The following UNC45A variants were observed in gnomAD, a reference collection of about 807,000 sequenced individuals.
UNC45A encodes unc-45 myosin chaperone A.
UNC45A carries 78 observed loss-of-function variants against 103.2 expected under a neutral mutation model. The ratio of observed to expected loss-of-function variants is 0.76; its 90% CI spans 0.63 to 0.91. The LOEUF is 0.91. Ranked by LOEUF, UNC45A falls within the 40% of genes least tolerant of loss-of-function variation. The pLI is 0.00. For synonymous variants in UNC45A, 495 were observed against 504.6 expected (o/e 0.98, Z 0.25); for missense variants, 1,193 against 1,224.8 (o/e 0.97, Z 0.39).
At position 90,946,894 on chromosome 15, in the gene UNC45A, A is replaced by G; in HGVS notation, c.1480A>G (p.Ile494Val). The stretch of plus-strand genomic sequence containing the variant: ...ATATAAGTGCAGCGAGAAGGACAGC[A>G]TCCGCATCCGGGCGCTAGTGGTGAG... The part of the protein sequence containing the change: ...DLYKCSEKDS[I>V]RIRALVGLCK... Residue 494 changes from isoleucine to valine, a missense_variant, in exon 10 of 20, where the codon ATC (isoleucine) becomes GTC (valine). Coordinates refer to ENST00000418476, the MANE Select transcript of UNC45A (RefSeq NM_018671.5). The G allele has an allele frequency of 6.3e-7, 1 of 1,583,904 alleles. No individual in the cohort carries two copies. The highest frequency in any genetic ancestry group is 8.6e-7 in the Non-Finnish European group (1 of 1,159,850).
rs762539863 is a variant in UNC45A, at chr15:90,944,931, A to G, written c.1067A>G (p.Asp356Gly). 4.3e-6 allele frequency: 7 copies of G among 1,612,280 alleles called. No individual in the cohort carries two copies. The highest frequency in any genetic ancestry group is 5.9e-6 in the Non-Finnish European group (7 of 1,179,992). ...KILEVGGSLQDPPGELAVTAN... is the reference protein window; with the variant it reads ...KILEVGGSLQGPPGELAVTAN... ...TTGGAAGTGGGGGGCTCTCTACAGG[A>G]CCCTCCTGGGGAGCTCGCAGTGACC... The change falls in exon 9 of 20, where the codon GAC (aspartate) becomes GGC (glycine). Residue 356 changes from aspartate to glycine, a missense_variant. Physicochemically the swap from Asp to Gly is moderately conservative, Grantham distance 94. Transcript: ENST00000418476.
chr15:90,945,546 A>G (rs2036520193), intron 9 of UNC45A, among the ~76,000 whole-genome samples: 1 of 151,856 alleles, frequency 6.6e-6, no homozygotes, highest in Non-Finnish European at 1.5e-5. Context: ...TTTTTAGTAG[A>G]GACGGGGTTT....
At chr15:90,931,449 A>C (rs550617721), upstream of UNC45A, 2 of 1,613,292 alleles carry the variant, frequency 1.2e-6, no homozygotes, top group South Asian at 2.2e-5. Context: ...ATGTCAAGGA[A>C]AGCACTGCCT....
rs375426057 is a variant in UNC45A, at chr15:90,953,000, G to A, written c.2375G>A (p.Arg792His). The change falls in exon 18 of 20, where the codon CGC (arginine) becomes CAC (histidine). Residue 792 changes from arginine to histidine, a missense_variant. Transcript: ENST00000418476. ...GYMFEEHEMI[R>H]RAATECMCNL... is the part of the protein sequence containing the mutation. ...ATGTTTGAGGAGCATGAGATGATCC[G>A]CCGGGCAGCCACGGAGTGCATGTGT... The A allele has an allele frequency of 7.4e-6, 12 of 1,613,436 alleles. No homozygotes were observed. The highest frequency in any genetic ancestry group is 8.5e-6 in the Non-Finnish European group (10 of 1,180,050).
chr15:90,941,958 CAAAAA>C (rs369044240), intron 6 of UNC45A, among the ~76,000 whole-genome samples: 13 of 68,788 alleles, frequency 1.9e-4, no homozygotes, highest in Non-Finnish European at 3.2e-4. Context: ...GACTCCGTCT[CAAAAA>C]AAAAAAAAAA....
chr15:90,948,837 G>A (rs1209877576), intron 13 of UNC45A, 43 bp downstream of exon 13: 1 of 1,536,634 alleles, frequency 6.5e-7, no homozygotes, highest in South Asian at 1.2e-5. Context: ...CCACCATGGG[G>A]ACAGCTAACC....
chr15:90,944,313 G>A (rs1022771797), intron 8 of UNC45A, among the ~76,000 whole-genome samples: 2 of 152,042 alleles, frequency 1.3e-5, no homozygotes, highest in Non-Finnish European at 2.9e-5. Context: ...CTTGAACTCA[G>A]GAGGCGGAGG....
In UNC45A at chr15:90,950,543, A is replaced by G. The variant is rs747476342; in HGVS notation, c.2231A>G (p.Asn744Ser). The change falls in exon 17 of 20, where the codon AAC (asparagine) becomes AGC (serine). Residue 744 changes from asparagine to serine, a missense_variant. Transcript: ENST00000418476. ...CCCCTCGTCTCCCTGTTGCACCTCA[A>G]CTGCTCAGGCCTGCAGAACTTCGAG... ...VRPLVSLLHL[N>S]CSGLQNFEAL... 4 of 1,614,110 alleles carry G rather than the reference A, an allele frequency of 2.5e-6. No homozygotes were observed. Among genetic ancestry groups the G allele is most frequent in the Non-Finnish European group, 3.4e-6 (4 of 1,180,018 alleles).
chr15:90,946,689 A>G lies in UNC45A; in HGVS notation c.1275A>G (p.Pro425=), dbSNP rs12911432. ...CGGTGTCCTGCCTCCTGCAGGGCCCATGTGACGCTGGCAACCGGGCCTTGG... is the reference window on the plus strand; with the variant it reads ...CGGTGTCCTGCCTCCTGCAGGGCCCGTGTGACGCTGGCAACCGGGCCTTGG... ...IQTVSCLLQG[P]CDAGNRALEL... The change falls in exon 10 of 20, where the codon CCA becomes CCG. Residue 425 remains proline (P), a synonymous_variant. Coordinates refer to ENST00000418476, the MANE Select transcript of UNC45A (RefSeq NM_018671.5). 116,571 of 1,612,592 alleles carry G rather than the reference A, an allele frequency of 0.072. 5,063 individuals are homozygous for G. Among genetic ancestry groups the G allele is most frequent in the South Asian group, 0.16 (14,777 of 90,998 alleles).
intron 5 of UNC45A, 61 bp downstream of exon 5, chr15:90,939,884 C>T: frequency 6.7e-7 from 1 of 1,496,940 alleles, no homozygotes; most frequent in Non-Finnish European, 9.2e-7. Flanking sequence ...TCCATAGGCC[C>T]CCGAAGCCAC....
rs191709589 is a variant in UNC45A at position 90,952,481 on chromosome 15, G to A, written c.2304-448G>A. On this transcript the variant is annotated intron_variant, in intron 17 of 19. Coordinates refer to ENST00000418476, the MANE Select transcript of UNC45A (RefSeq NM_018671.5). The stretch of plus-strand genomic sequence containing the variant: ...GTTGCCCAGGCTGGAGTGCAGTGGC[G>A]CAATCTTGGCTCACTGCAACCTTCA... 15 of 158,142 alleles carry A rather than the reference G, an allele frequency of 9.5e-5. 1 individual carries two copies. The highest frequency in any genetic ancestry group is 3.6e-4 in the East Asian group (2 of 5,494). 9.8% of individuals were successfully genotyped at this position (158,142 alleles called of 1,614,324 possible). A position where few individuals can be genotyped will look rare whatever the true frequency, so the allele number is the denominator to read the frequency against.
chr15:90,932,709 G>A (rs1462421239), upstream of UNC45A: 1 of 405,864 alleles, frequency 2.5e-6, no homozygotes, highest in Non-Finnish European at 4.3e-6. Flanking sequence ...GAGAGCAAGT[G>A]ATGTGGACAG....
chr15:90,942,433 C>A lies in UNC45A; in HGVS notation c.688-4C>A, dbSNP rs113435518. 27,759 of 1,605,220 alleles carry A rather than the reference C, an allele frequency of 0.017. 278 individuals carry two copies. Among genetic ancestry groups the A allele is most frequent in the Middle Eastern group, 0.027 (151 of 5,698 alleles). Reference sequence around the variant, plus strand: ...CTTCCTTCTGTTTACCTCTCCCACCCCAGACAGTGGCAACCCTGAGCATAC... The same window carrying A: ...CTTCCTTCTGTTTACCTCTCCCACCACAGACAGTGGCAACCCTGAGCATAC... On this transcript the variant is annotated splice_region_variant and splice_polypyrimidine_tract_variant and intron_variant, in intron 6 of 19. Coordinates refer to ENST00000418476, the MANE Select transcript of UNC45A (RefSeq NM_018671.5).
At chr15:90,936,140 C>T in intron 3 of UNC45A, 145 bp from the exon 4 acceptor site, 1 of 1,501,702 alleles carries the variant, frequency 6.7e-7, no homozygotes, top group Non-Finnish European at 8.9e-7. Flanking sequence ...TCTGCAGCTA[C>T]CCTCACCTTT....
chr15:90,934,085 T>C, upstream of UNC45A: 1 of 399,238 alleles, frequency 2.5e-6, no homozygotes. Flanking sequence ...CAGGCCTATC[T>C]GTGGGGCTAC....
intron 8 of UNC45A, 107 bp from the exon 9 acceptor site, chr15:90,944,785 T>C (rs1315999294): frequency 1.5e-6 from 2 of 1,349,300 alleles, no homozygotes; most frequent in East Asian, 2.3e-5. Context: ...GTCAGAACTC[T>C]GTAGCCTTCT....
intron 2 of UNC45A, 120 bp from the exon 3 acceptor site, chr15:90,935,826 T>C: frequency 6.4e-7 from 1 of 1,555,238 alleles, no homozygotes; most frequent in African/African-American, 1.4e-5. Context: ...CCAGATGTTT[T>C]TTGCACCTCA....
chr15:90,942,511 C>T lies in UNC45A; in HGVS notation c.762C>T (p.Ser254=), dbSNP rs752916770. Residue 254 remains serine (S), a synonymous_variant, in exon 7 of 20, where the codon TCC becomes TCT. Coordinates refer to ENST00000418476, the MANE Select transcript of UNC45A (RefSeq NM_018671.5). ...SILGVESQAV[S]LAACHLLQVM... ...TGGGCGTGGAAAGCCAGGCTGTGTC[C>T]CTGGCTGCCTGCCACCTGCTGCAGG... 24 of 1,614,184 alleles carry T rather than the reference C, an allele frequency of 1.5e-5. No homozygotes were observed. The highest frequency in any genetic ancestry group is 1.4e-5 in the Non-Finnish European group (17 of 1,180,036).
chr15:90,938,303 A>G (rs1448905214), intron 4 of UNC45A, among the ~76,000 whole-genome samples: 1 of 152,182 alleles, frequency 6.6e-6, no homozygotes, highest in Non-Finnish European at 1.5e-5. Flanking sequence ...TCTAAAGACC[A>G]TTATGAGCTA....
Sources: gnomAD v4.1 joint callset for allele counts (sites outside exome capture counted in the v4.1 genomes callset) on GRCh38, gnomAD v4.1.1 for gene constraint, MANE v1.5 for transcripts, NCBI Gene and HGNC (gene_info 2026-07-23, HGNC 2026-07-21) for gene names.